The following GUCY2C variants were observed in gnomAD, a reference collection of about 807,000 sequenced individuals.
GUCY2C encodes guanylate cyclase 2C.
In GUCY2C, 118 loss-of-function variants were observed where a neutral mutation model predicts 131.1. The observed-to-expected ratio is 0.90, with a 90% CI of 0.78 to 1.05. The LOEUF (loss-of-function observed/expected upper bound fraction) is 1.05, where lower values mean the gene tolerates loss of function less well. Among genes scored for constraint, GUCY2C ranks in the 50% least tolerant of loss-of-function variants. GUCY2C has a pLI of 0.00. For missense variants in GUCY2C, 1,161 were observed against 1,304.4 expected (o/e 0.89, Z 1.69); for synonymous variants, 452 against 457.8 (o/e 0.99, Z 0.16).
intron 24 of GUCY2C, among the ~76,000 whole-genome samples, chr12:14,617,193 A>G (rs1946784026): frequency 6.6e-6 from 1 of 152,162 alleles, no homozygotes; most frequent in Admixed American, 6.5e-5. Flanking sequence ...TGCAGGTGCT[A>G]TTCTTCCCTT....
At chr12:14,656,869 A>G (rs1040383622) in intron 11 of GUCY2C, among the ~76,000 whole-genome samples, 17 of 152,222 alleles carry the variant, frequency 1.1e-4, no homozygotes, top group African/African-American at 4.1e-4. Context: ...TTCCTGGAAG[A>G]CAATGTTTCC....
In GUCY2C at chr12:14,614,927, G is replaced by C. The variant is rs765228667; in HGVS notation, c.2987C>G (p.Thr996Ser). 2 of 1,580,672 alleles carry C rather than the reference G, an allele frequency of 1.3e-6. No individual in the cohort carries two copies. The highest frequency in any genetic ancestry group is 2.3e-5 in the South Asian group (2 of 86,504). The change falls in exon 26 of 27, where the codon ACT becomes AGT. Residue 996 changes from threonine (T) to serine (S), a missense_variant. Transcript: ENST00000261170. Reference protein sequence around the residue: ...ETYLKGRGNETTYWLTGMKDQ... With the variant: ...ETYLKGRGNESTYWLTGMKDQ... ...CTTCATCCCAGTCAGCCAGTAGGTA[G>C]TCTCATTTCCTCTTCCCTGGTAAGA...
chr12:14,674,697 T>G lies in GUCY2C; in HGVS notation c.1012A>C (p.Ile338Leu). The G allele has an allele frequency of 6.2e-7, 1 of 1,611,420 alleles. No individual in the cohort carries two copies. The highest frequency in any genetic ancestry group is 8.5e-7 in the Non-Finnish European group (1 of 1,177,720). The change falls in exon 8 of 27, where the codon ATA (isoleucine) becomes CTA (leucine). Residue 338 changes from isoleucine (I) to leucine (L), a missense_variant. By Grantham distance (5) the Ile-to-Leu change is conservative. Coordinates refer to ENST00000261170, the MANE Select transcript of GUCY2C (RefSeq NM_004963.4). ...GILLFGHMLK[I>L]FLENGENITT... The stretch of plus-strand genomic sequence containing the variant: ...ATATTTTCTCCATTTTCAAGAAATA[T>G]CTTCAGCATATGTCCAAAGAGCAGG...
At chr12:14,620,044 G>T (rs1946860179) in intron 23 of GUCY2C, among the ~76,000 whole-genome samples, 1 of 152,166 alleles carries the variant, frequency 6.6e-6, no homozygotes, top group African/African-American at 2.4e-5. Context: ...CCTGGCTAAA[G>T]ATTCATCTAG....
At chr12:14,696,144 A>G in intron 1 of GUCY2C, 88 bp downstream of exon 1, 1 of 1,021,720 alleles carries the variant, frequency 9.8e-7, no homozygotes, top group Non-Finnish European at 1.5e-6. Context: ...AAGTTGTGTG[A>G]TCAAAGAACA....
At chr12:14,648,589 G>GT (rs1162594611) in intron 15 of GUCY2C, among the ~76,000 whole-genome samples, 1 of 152,022 alleles carries the variant, frequency 6.6e-6, no homozygotes, top group Non-Finnish European at 1.5e-5. Context: ...AATCCTCTTT[G>GT]TTTTTTTTCC....
chr12:14,622,636 T>G (rs186083855), intron 21 of GUCY2C, among the ~76,000 whole-genome samples: 2 of 152,362 alleles, frequency 1.3e-5, no homozygotes, highest in Admixed American at 1.3e-4. Context: ...CTCAACAAAG[T>G]TGATAGTTTT....
intron 25 of GUCY2C, 21 bp from the exon 26 acceptor site, chr12:14,614,964 C>A (rs11830063): frequency 1.4e-6 from 2 of 1,422,128 alleles, no homozygotes; most frequent in Non-Finnish European, 1.9e-6. Flanking sequence ...AAAAGAGTTA[C>A]GTACCACGGA....
intron 15 of GUCY2C, among the ~76,000 whole-genome samples, chr12:14,648,856 C>A (rs557727997): frequency 6.6e-6 from 1 of 152,258 alleles, no homozygotes; most frequent in East Asian, 1.9e-4. Flanking sequence ...TGCATTAATA[C>A]AGATGAAGTC....
chr12:14,655,887 T>C (rs542396490), intron 12 of GUCY2C, among the ~76,000 whole-genome samples: 1 of 152,302 alleles, frequency 6.6e-6, no homozygotes, highest in Non-Finnish European at 1.5e-5. Flanking sequence ...TGTTAGCTAT[T>C]ATTACTTATA....
intron 17 of GUCY2C, among the ~76,000 whole-genome samples, chr12:14,642,354 A>G (rs1488439923): frequency 6.6e-6 from 1 of 152,176 alleles, no homozygotes; most frequent in African/African-American, 2.4e-5. Flanking sequence ...TTTCTTCAAC[A>G]TGCTTCGTAA....
intron 16 of GUCY2C, among the ~76,000 whole-genome samples, chr12:14,644,899 G>A (rs1463083537): frequency 6.6e-6 from 1 of 151,670 alleles, no homozygotes; most frequent in Non-Finnish European, 1.5e-5. Context: ...GAGCCACTGC[G>A]CCCAGCCCAG....
chr12:14,638,588 A>G (rs1947326598), intron 19 of GUCY2C, among the ~76,000 whole-genome samples: 1 of 152,216 alleles, frequency 6.6e-6, no homozygotes, highest in African/African-American at 2.4e-5. Context: ...ACTGGAGGTC[A>G]CTATGTAAAG....
intron 15 of GUCY2C, among the ~76,000 whole-genome samples, chr12:14,649,226 C>T (rs1236648269): frequency 2.0e-5 from 3 of 151,942 alleles, no homozygotes; most frequent in Non-Finnish European, 4.4e-5. Context: ...CCCCCACCAC[C>T]CAGTAAAAAC....
intron 10 of GUCY2C, among the ~76,000 whole-genome samples, chr12:14,662,692 A>AG (rs1947894856): frequency 6.6e-6 from 1 of 151,880 alleles, no homozygotes; most frequent in South Asian, 2.1e-4. Flanking sequence ...AAAAAAAAAA[A>AG]AAGAAAGATG....
At chr12:14,637,476 C>T (rs1420794283) in intron 19 of GUCY2C, among the ~76,000 whole-genome samples, 2 of 152,052 alleles carry the variant, frequency 1.3e-5, no homozygotes, top group Non-Finnish European at 2.9e-5. Context: ...GCCCAAATAG[C>T]CAAAGCAATC....
At chr12:14,643,911 T>C (rs988460087) in intron 16 of GUCY2C, among the ~76,000 whole-genome samples, 3 of 152,212 alleles carry the variant, frequency 2.0e-5, no homozygotes, top group Non-Finnish European at 4.4e-5. Context: ...CAAAGTCTGT[T>C]TAAATGACAG....
intron 13 of GUCY2C, 52 bp from the exon 14 acceptor site, chr12:14,652,082 A>G (rs779846567): frequency 4.1e-6 from 4 of 972,538 alleles, no homozygotes; most frequent in South Asian, 3.9e-5. Flanking sequence ...AACTCTTTAC[A>G]TGCATATTAT....
chr12:14,614,176 C>A (rs986437639), intron 26 of GUCY2C, among the ~76,000 whole-genome samples: 3 of 152,072 alleles, frequency 2.0e-5, no homozygotes, highest in Non-Finnish European at 2.9e-5. Context: ...TTCTCCCGAG[C>A]AAGCCTGGAA....
Sources: gnomAD v4.1 joint callset for allele counts (sites outside exome capture counted in the v4.1 genomes callset) on GRCh38, gnomAD v4.1.1 for gene constraint, MANE v1.5 for transcripts, NCBI Gene and HGNC (gene_info 2026-07-23, HGNC 2026-07-21) for gene names.